Variants in ROBO1 observed in about 807,000 individuals in gnomAD.
ROBO1 encodes the protein roundabout guidance receptor 1.
ROBO1 carries 149 observed loss-of-function variants against 195.9 expected under a neutral mutation model. The observed-to-expected ratio is 0.76, with a 90% CI of 0.67 to 0.87. The LOEUF (loss-of-function observed/expected upper bound fraction) is 0.87. Ranked by LOEUF, ROBO1 falls within the 40% of genes least tolerant of loss-of-function variation. The pLI is 0.00. For synonymous variants in ROBO1, 816 were observed against 733.2 expected, an observed-to-expected ratio of 1.11 and a Z score of -1.82; for missense variants, 1,933 against 2,068.3, an observed-to-expected ratio of 0.93 and a Z score of 1.27.
At chr3:79,742,603 C>T (rs7638334) in intron 1 of ROBO1, among the ~76,000 whole-genome samples, 8,796 of 152,250 alleles carry the variant, frequency 0.058, 353 homozygotes, top group Non-Finnish European at 0.09. Flanking sequence ...GAGGGTTCCC[C>T]AGCCTCACCT....
intron 3 of ROBO1, among the ~76,000 whole-genome samples, chr3:78,975,534 T>C (rs1357740049): frequency 6.6e-6 from 1 of 152,138 alleles, no homozygotes; most frequent in African/African-American, 2.4e-5. Flanking sequence ...GACCAGTTTC[T>C]TAACCTTAGT....
At chr3:79,100,465 T>G (rs1301700830) in intron 3 of ROBO1, among the ~76,000 whole-genome samples, 1 of 151,554 alleles carries the variant, frequency 6.6e-6, no homozygotes, top group Admixed American at 6.6e-5. Flanking sequence ...AGTGAGCAGG[T>G]TAGGAAGCTG....
At chr3:78,948,628 T>C (rs1254679609) in intron 3 of ROBO1, among the ~76,000 whole-genome samples, 6 of 152,044 alleles carry the variant, frequency 3.9e-5, no homozygotes, top group South Asian at 2.1e-4. Context: ...CCTCTCTCAC[T>C]ACTCCTATTC....
At chr3:79,434,315 C>T (rs1268621865) in intron 2 of ROBO1, among the ~76,000 whole-genome samples, 1 of 152,196 alleles carries the variant, frequency 6.6e-6, no homozygotes, top group Non-Finnish European at 1.5e-5. Flanking sequence ...GCAATCTACT[C>T]ATCTGACAAA....
chr3:79,206,906 A>C (rs2081878336), intron 2 of ROBO1, among the ~76,000 whole-genome samples: 2 of 152,298 alleles, frequency 1.3e-5, no homozygotes, highest in South Asian at 4.1e-4. Flanking sequence ...TGATTCATAA[A>C]ATATGTTACA....
chr3:79,161,051 A>C (rs577834054), intron 2 of ROBO1, among the ~76,000 whole-genome samples: 6 of 152,114 alleles, frequency 3.9e-5, no homozygotes, highest in Non-Finnish European at 5.9e-5. Flanking sequence ...TAAAAAGTCA[A>C]GGTATTTTGG....
intron 1 of ROBO1, among the ~76,000 whole-genome samples, chr3:79,765,040 T>C (rs1212658296): frequency 6.6e-6 from 1 of 152,088 alleles, no homozygotes; most frequent in Non-Finnish European, 1.5e-5. Flanking sequence ...AAGGACAGGC[T>C]AAGGGAAGCG....
intron 2 of ROBO1, among the ~76,000 whole-genome samples, chr3:79,449,652 A>C (rs755838840): frequency 6.6e-6 from 1 of 152,168 alleles, no homozygotes; most frequent in Non-Finnish European, 1.5e-5. Flanking sequence ...AATCTACTTA[A>C]AATATTTGAG....
intron 1 of ROBO1, among the ~76,000 whole-genome samples, chr3:79,721,979 T>C (rs1702722676): frequency 6.6e-6 from 1 of 152,196 alleles, no homozygotes; most frequent in Admixed American, 6.5e-5. Context: ...GCTCTTTCTG[T>C]AGCTTTTTAA....
chr3:78,703,969 C>T (rs898082803), intron 8 of ROBO1, among the ~76,000 whole-genome samples: 1 of 151,966 alleles, frequency 6.6e-6, no homozygotes, highest in Non-Finnish European at 1.5e-5. Flanking sequence ...CAGAGTCTGG[C>T]AAAAGCAGCA....
At position 79,313,717 on chromosome 3, in the gene ROBO1, T is replaced by C. The variant is rs540410562; in HGVS notation, c.89-188178A>G. Among the ~76,000 whole-genome samples the C allele has an allele frequency of 3.3e-5, 5 of 152,266 alleles. No individual in the cohort carries two copies. The East Asian group carries it at 9.7e-4, about 29-fold the overall frequency. On this transcript the variant is annotated intron_variant, in intron 2 of 30. Transcript: ENST00000464233. The stretch of plus-strand genomic sequence containing the variant: ...ATTTTGCTGAATTCTGACAACCCAA[T>C]TCACATATAGGTGGGAAATAGGCCC...
At chr3:79,714,553 T>G (rs1420923755) in intron 1 of ROBO1, among the ~76,000 whole-genome samples, 7 of 151,966 alleles carry the variant, frequency 4.6e-5, no homozygotes. Flanking sequence ...TGCACATGTA[T>G]GTTTATTGTG....
chr3:78,847,679 GTAT>G (rs1045772872), intron 4 of ROBO1, among the ~76,000 whole-genome samples: 1 of 152,090 alleles, frequency 6.6e-6, no homozygotes, highest in Non-Finnish European at 1.5e-5. Context: ...TGAGAGAGTG[GTAT>G]TATTATACCT....
At chr3:79,690,618 A>G (rs573108204) in intron 1 of ROBO1, among the ~76,000 whole-genome samples, 1 of 152,102 alleles carries the variant, frequency 6.6e-6, no homozygotes, top group South Asian at 2.1e-4. Context: ...AATTAGTTAC[A>G]GTGGCAATAG....
At chr3:79,622,026 G>A (rs1384566917) in intron 1 of ROBO1, among the ~76,000 whole-genome samples, 1 of 152,128 alleles carries the variant, frequency 6.6e-6, no homozygotes, top group East Asian at 1.9e-4. Context: ...TCTCTCATCA[G>A]AACTGACTAG....
chr3:79,452,015 T>C (rs909538861), intron 2 of ROBO1, among the ~76,000 whole-genome samples: 1 of 151,890 alleles, frequency 6.6e-6, no homozygotes, highest in Non-Finnish European at 1.5e-5. Flanking sequence ...CTTATGCAAC[T>C]TTTTTTTATT....
At chr3:79,076,899 A>T (rs1244918346) in intron 3 of ROBO1, among the ~76,000 whole-genome samples, 3 of 151,914 alleles carry the variant, frequency 2.0e-5, no homozygotes, top group Non-Finnish European at 4.4e-5. Flanking sequence ...TATTTAACTT[A>T]GTCATATTTC....
At chr3:79,596,073 C>T (rs1944160478) in intron 1 of ROBO1, among the ~76,000 whole-genome samples, 1 of 151,930 alleles carries the variant, frequency 6.6e-6, no homozygotes. Flanking sequence ...CCAAATAGGA[C>T]TATAGTCATA....
rs372937149 is a variant in ROBO1, at chr3:79,538,875, C to T, written c.88+50949G>A. Among the ~76,000 whole-genome samples the T allele has an allele frequency of 5.9e-5, 9 of 152,114 alleles. No homozygotes were observed. In the East Asian group the frequency reaches 1.7e-3, roughly 29 times the overall value. On this transcript the variant is annotated intron_variant, in intron 2 of 30. Transcript: ENST00000464233. ...TTTTTGTAATCACTTTAATCAGAAACAAGGGAATTAGCCAGCTGTTTGGAA... is the reference window on the plus strand; with the variant it reads ...TTTTTGTAATCACTTTAATCAGAAATAAGGGAATTAGCCAGCTGTTTGGAA...
Sources: gnomAD v4.1 joint callset for allele counts (sites outside exome capture counted in the v4.1 genomes callset) on GRCh38, gnomAD v4.1.1 for gene constraint, MANE v1.5 for transcripts, NCBI Gene and HGNC (gene_info 2026-07-23, HGNC 2026-07-21) for gene names.